The following GRK4 variants were observed in gnomAD, a reference collection of about 807,000 sequenced individuals.
GRK4 encodes G protein-coupled receptor kinase 2-like.
GRK4 carries 73 observed loss-of-function variants against 77.9 expected under a neutral mutation model. The observed-to-expected ratio is 0.94, with a 90% confidence interval of 0.78 to 1.14. The LOEUF (loss-of-function observed/expected upper bound fraction) is 1.14. GRK4 is among the 50% of genes most tolerant of loss of function. The pLI, the probability that GRK4 is intolerant of heterozygous loss-of-function variation, is 0.00. For synonymous variants in GRK4, 257 were observed against 254.4 expected (o/e 1.01, Z -0.10); for missense variants, 729 against 700.2 (o/e 1.04, Z -0.46).
chr4:3,033,877 G>A (rs1438649301), intron 12 of GRK4, among the ~76,000 whole-genome samples: 1 of 152,176 alleles, frequency 6.6e-6, no homozygotes, highest in Non-Finnish European at 1.5e-5. Flanking sequence ...GAGCCACTGC[G>A]CCCGGTCTTC....
intron 2 of GRK4, among the ~76,000 whole-genome samples, chr4:2,987,934 G>A (rs761811201): frequency 1.3e-4 from 19 of 151,822 alleles, no homozygotes; most frequent in Non-Finnish European, 2.5e-4. Flanking sequence ...AAATTACTTG[G>A]GTGTGGAGGC....
intron 4 of GRK4, among the ~76,000 whole-genome samples, chr4:2,993,886 A>G (rs1484329121): frequency 3.3e-5 from 5 of 152,242 alleles, no homozygotes; most frequent in African/African-American, 1.2e-4. Context: ...GAATTAGTGA[A>G]TAGTGTGGTG....
chr4:3,004,468 C>T (rs1405039941), intron 5 of GRK4, 134 bp downstream of exon 5: 15 of 551,188 alleles, frequency 2.7e-5, no homozygotes, highest in Non-Finnish European at 3.6e-5. Context: ...GCATTAGGGA[C>T]GCTGACACCA....
intron 3 of GRK4, among the ~76,000 whole-genome samples, chr4:2,991,667 A>G (rs566218983): frequency 2.0e-5 from 3 of 152,036 alleles, no homozygotes; most frequent in Non-Finnish European, 2.9e-5. Context: ...ATGCGCCACC[A>G]CACCCAGCTA....
At chr4:3,006,380 CAAAA>C in intron 5 of GRK4, among the ~76,000 whole-genome samples, 1 of 100,318 alleles carries the variant, frequency 1.0e-5, no homozygotes, top group African/African-American at 3.3e-5. Context: ...AACTCCGCCT[CAAAA>C]AAAAAAAAAA....
At chr4:3,016,331 A>G (rs896349223) in intron 8 of GRK4, among the ~76,000 whole-genome samples, 1 of 151,606 alleles carries the variant, frequency 6.6e-6, no homozygotes, top group African/African-American at 2.4e-5. Flanking sequence ...AGCCTGGCCA[A>G]CATGGTGAAA....
At position 3,004,246 on chromosome 4, in the gene GRK4, C is replaced by T. The variant is rs1252867013; in HGVS notation, c.355C>T (p.Pro119Ser). 3.1e-6 allele frequency: 5 copies of T among 1,612,880 alleles called. No homozygotes were observed. In the African/African-American group the frequency reaches 6.7e-5, roughly 22 times the overall value. The change falls in exon 5 of 16, where the codon CCA (proline) becomes TCA (serine). Residue 119 changes from proline to serine, a missense_variant. Transcript: ENST00000398052. ...FFNDKLAAPL[P>S]EIPPDVVTEC... Reference sequence around the variant, plus strand: ...CTGTATTAAGTTGGCAGCCCCTTTACCAGAAATACCTCCAGATGTTGTGAC... The same window carrying T: ...CTGTATTAAGTTGGCAGCCCCTTTATCAGAAATACCTCCAGATGTTGTGAC...
intron 7 of GRK4, among the ~76,000 whole-genome samples, chr4:3,012,971 G>T (rs112414079): frequency 1.3e-5 from 2 of 151,724 alleles, no homozygotes; most frequent in African/African-American, 4.8e-5. Context: ...GTGAAATCCC[G>T]TCTTTACTAA....
intron 6 of GRK4, among the ~76,000 whole-genome samples, chr4:3,009,017 T>A (rs61487059): frequency 0.047 from 7,219 of 152,270 alleles, 256 homozygotes; most frequent in African/African-American, 0.097. Flanking sequence ...CCCAAGAGTA[T>A]ACCAGGAGTT....
At chr4:3,015,639 C>T (rs538806774) in intron 8 of GRK4, among the ~76,000 whole-genome samples, 5 of 147,420 alleles carry the variant, frequency 3.4e-5, no homozygotes, top group Non-Finnish European at 5.9e-5. Context: ...CACGCCACTG[C>T]ACTCCAGCCT....
At chr4:3,013,998 T>C (rs903898332) in intron 8 of GRK4, among the ~76,000 whole-genome samples, 170 bp downstream of exon 8, 1 of 152,170 alleles carries the variant, frequency 6.6e-6, no homozygotes. Flanking sequence ...TAGTAACAGC[T>C]CTCTTCTTTC....
chr4:3,008,719 C>T (rs1732023219), intron 6 of GRK4, among the ~76,000 whole-genome samples: 3 of 151,606 alleles, frequency 2.0e-5, no homozygotes. Context: ...GGAGAAATCG[C>T]CTGAACCCAG....
chr4:3,025,292 C>T (rs1737149150), intron 10 of GRK4, among the ~76,000 whole-genome samples: 1 of 149,142 alleles, frequency 6.7e-6, no homozygotes, highest in South Asian at 2.1e-4. Context: ...AAAAAAAAGT[C>T]ACTCAGTATC....
Position 2,996,510 on chromosome 4 carries a change from G to A in GRK4, c.339+4218G>A, listed in dbSNP as rs192357826. On this transcript the variant is annotated intron_variant, in intron 4 of 15. Coordinates refer to ENST00000398052, the MANE Select transcript of GRK4 (RefSeq NM_182982.3). ...ACAAAGTTTGCAGTGAGCTGAGTTC[G>A]CGCCACTGCACTCCTGCCTGGGTGA... Among the ~76,000 whole-genome samples the A allele has an allele frequency of 1.1e-3, 170 of 151,986 alleles. 1 individual carries two copies. Among genetic ancestry groups the A allele is most frequent in the Admixed American group, 3.5e-3 (54 of 15,264 alleles).
At chr4:3,001,137 ATATAGG>A (rs1729526509) in intron 4 of GRK4, among the ~76,000 whole-genome samples, 1 of 142,056 alleles carries the variant, frequency 7.0e-6, no homozygotes, top group South Asian at 2.1e-4. Flanking sequence ...ATGTGTATAT[ATATAGG>A]TATATATGTG....
chr4:2,998,153 TTG>T (rs1365569068), intron 4 of GRK4, among the ~76,000 whole-genome samples: 1 of 152,130 alleles, frequency 6.6e-6, no homozygotes, highest in Non-Finnish European at 1.5e-5. Context: ...GGTCAGGAGT[TTG>T]AGACCAGCCT....
In GRK4 at chr4:3,038,454, A is replaced by T. The variant is rs1310231441; in HGVS notation, c.1624A>T (p.Ile542Leu). ...TTTGCCATTAGATCTAGACAAGAACATACATACCCCGGTTTCCAGACCAAA... is the reference window on the plus strand; with the variant it reads ...TTTGCCATTAGATCTAGACAAGAACTTACATACCCCGGTTTCCAGACCAAA... ...EALPLDLDKN[I>L]HTPVSRPNRG... is the part of the protein sequence containing the mutation. The change falls in exon 15 of 16, where the codon ATA becomes TTA. Residue 542 changes from isoleucine (I) to leucine (L), a missense_variant. By Grantham distance (5) the Ile-to-Leu change is conservative. Transcript: ENST00000398052. The T allele has an allele frequency of 6.2e-7, 1 of 1,614,188 alleles. No homozygotes were observed. Among genetic ancestry groups the T allele is most frequent in the East Asian group, 2.2e-5 (1 of 44,886 alleles).
At chr4:3,037,846 C>T (rs961647744) in intron 14 of GRK4, among the ~76,000 whole-genome samples, 4 of 149,362 alleles carry the variant, frequency 2.7e-5, no homozygotes, top group Non-Finnish European at 4.4e-5. Flanking sequence ...ACCTGGGAGG[C>T]AGAAGTTGCA....
intron 1 of GRK4, among the ~76,000 whole-genome samples, chr4:2,972,743 AT>A (rs1236794224): frequency 6.6e-6 from 1 of 151,082 alleles, no homozygotes; most frequent in African/African-American, 2.4e-5. Flanking sequence ...CTTTAAAAAA[AT>A]TTTTTTTTGA....
Sources: allele counts gnomAD v4.1 joint callset (sites outside exome capture counted in the v4.1 genomes callset), GRCh38; gene constraint gnomAD v4.1.1; transcripts MANE v1.5; gene names NCBI Gene and HGNC (gene_info 2026-07-23, HGNC 2026-07-21).